Variants in PALM observed in about 807,000 individuals in gnomAD.
PALM encodes the protein paralemmin.
A neutral mutation model predicts 30.7 loss-of-function variants in PALM; 18 were observed. The ratio of observed to expected loss-of-function variants is 0.59; its 90% confidence interval spans 0.41 to 0.87. PALM has a LOEUF of 0.87. Ranked by LOEUF, PALM falls within the 40% of genes least tolerant of loss-of-function variation. PALM has a pLI of 0.00. For missense variants in PALM, 529 were observed against 555.4 expected (o/e 0.95, Z 0.48); for synonymous variants, 286 against 242.8 (o/e 1.18, Z -1.66).
chr19:718,649 C>T (rs942495962), intron 1 of PALM, among the ~76,000 whole-genome samples: 6 of 152,094 alleles, frequency 3.9e-5, no homozygotes, highest in African/African-American at 1.4e-4. Context: ...TCTGCCGTAA[C>T]CCGTTTAGGG....
rs3787022 is a variant in PALM at position 732,880 on chromosome 19, T to C, written c.421-1293T>C. On this transcript the variant is annotated intron_variant, in intron 5 of 8. Coordinates refer to ENST00000338448, the MANE Select transcript of PALM (RefSeq NM_002579.3). ...AGGGCTGGGCAGGCGACCTGGAGGA[T>C]GTGGGTTTCGTGGGAGGGCTGGGCA... is the stretch of plus-strand genomic sequence containing the variant. Among the ~76,000 whole-genome samples, 2,978 of 150,422 alleles carry C rather than the reference T, an allele frequency of 0.02. 243 individuals carry two copies. In the East Asian group the frequency reaches 0.28, roughly 14 times the overall value.
intron 3 of PALM, 108 bp downstream of exon 3, chr19:727,196 G>A: frequency 1.3e-6 from 1 of 751,060 alleles, no homozygotes; most frequent in Non-Finnish European, 2.2e-6. Context: ...ACCTGACCCT[G>A]ACCCTGCCTC....
At chr19:729,551 C>T (rs1284203044) in intron 4 of PALM, among the ~76,000 whole-genome samples, 10 of 148,826 alleles carry the variant, frequency 6.7e-5, no homozygotes, top group African/African-American at 2.2e-4. Context: ...CTGCAAGCTC[C>T]GCCTCCCGGG....
chr19:731,663 C>T (rs1471333158), intron 5 of PALM, among the ~76,000 whole-genome samples: 1 of 148,636 alleles, frequency 6.7e-6, no homozygotes, highest in Non-Finnish European at 1.5e-5. Flanking sequence ...TGGGTGTGGT[C>T]ATAGTGTTTT....
At chr19:726,965 G>GGCC in intron 2 of PALM, 43 bp from the exon 3 acceptor site, 4 of 1,037,618 alleles carry the variant, frequency 3.9e-6, no homozygotes, top group East Asian at 3.9e-5. Context: ...GGGTCTCCGG[G>GGCC]ACCCCCACGC....
At chr19:740,789 G>C (rs1599166496) in intron 8 of PALM, among the ~76,000 whole-genome samples, 2 of 152,134 alleles carry the variant, frequency 1.3e-5, no homozygotes, top group Non-Finnish European at 2.9e-5. Context: ...TTCTGTCCTT[G>C]CCGGGTGGCA....
chr19:721,588 A>T (rs965506922), intron 1 of PALM, among the ~76,000 whole-genome samples: 29 of 149,032 alleles, frequency 1.9e-4, no homozygotes, highest in South Asian at 2.1e-4. Context: ...TTTTAAAAAA[A>T]TTTTTTGTTT....
intron 4 of PALM, among the ~76,000 whole-genome samples, chr19:728,847 C>CA (rs935100033): frequency 6.6e-6 from 1 of 151,670 alleles, no homozygotes; most frequent in African/African-American, 2.4e-5. Flanking sequence ...ACTAAAAATA[C>CA]AAAAAAATTA....
Position 742,084 on chromosome 19 carries a change from G to A in PALM, c.634+1601G>A, listed in dbSNP as rs1035429158. On this transcript the variant is annotated intron_variant, in intron 8 of 8. Coordinates refer to ENST00000338448, the MANE Select transcript of PALM (RefSeq NM_002579.3). This position sits in a 1 kb window ranked among gnomAD's most constrained non-coding sequence, Gnocchi z 5.5. Reference sequence around the variant, plus strand: ...TAATGGGAGGCTCATCTGGGCCCGGGACATTGAGGCTGCAATGAGCTATGA... The same window carrying A: ...TAATGGGAGGCTCATCTGGGCCCGGAACATTGAGGCTGCAATGAGCTATGA... Among the ~76,000 whole-genome samples, 2 of 152,110 alleles carry A rather than the reference G, an allele frequency of 1.3e-5. No individual in the cohort carries two copies. The highest frequency in any genetic ancestry group is 4.8e-5 in the African/African-American group (2 of 41,424).
intron 5 of PALM, among the ~76,000 whole-genome samples, chr19:732,790 T>C (rs1223682264): frequency 5.3e-5 from 8 of 151,212 alleles, no homozygotes; most frequent in African/African-American, 1.9e-4. Flanking sequence ...GGGAGGGTGG[T>C]CAGGCCGAAG....
Position 709,909 on chromosome 19 carries a change from T to TG in PALM, c.5+759dup, listed in dbSNP as rs1180904146. ...ACCCCCGCATGGCTGCGCCTGTGTG[T>TG]GTGGGGGGGGGGTGGCCAGTGGAGG... On this transcript the variant is annotated intron_variant, in intron 1 of 8. Coordinates refer to ENST00000338448, the MANE Select transcript of PALM (RefSeq NM_002579.3). This position sits in a 1 kb window ranked among gnomAD's most constrained non-coding sequence, Gnocchi z 4.3. Among the ~76,000 whole-genome samples, 6 of 136,618 alleles carry TG rather than the reference T, an allele frequency of 4.4e-5. No individual in the cohort carries two copies. In the South Asian group the frequency reaches 9.0e-4, roughly 20 times the overall value. The allele number at this position is 136,618 out of a possible 152,430, so 89.6% of individuals were successfully genotyped here. A position where few individuals can be genotyped will look rare whatever the true frequency, so the allele number is the denominator to read the frequency against.
intron 1 of PALM, chr19:719,511 G>C: frequency 1.3e-5 from 13 of 985,420 alleles, no homozygotes; most frequent in Non-Finnish European, 1.6e-5. Context: ...GGCTCTGCGC[G>C]GCTGCCGGGA....
At chr19:714,003 C>A (rs1296553346) in intron 1 of PALM, among the ~76,000 whole-genome samples, 1 of 151,080 alleles carries the variant, frequency 6.6e-6, no homozygotes, top group Non-Finnish European at 1.5e-5. Flanking sequence ...CTCCTGGGTT[C>A]AAGCCATTCC....
At position 742,215 on chromosome 19, in the gene PALM, C is replaced by A. The variant is rs374854345; in HGVS notation, c.634+1732C>A. Among the ~76,000 whole-genome samples the A allele has an allele frequency of 6.6e-6, 1 of 152,072 alleles. No homozygotes were observed. The highest frequency in any genetic ancestry group is 1.5e-5 in the Non-Finnish European group (1 of 68,018). ...ATCAGCTGTCACTTCCTGTCCCCTC[C>A]CCAGTCAGCGTCACTCCCTATCCCC... On this transcript the variant is annotated intron_variant, in intron 8 of 8. Coordinates refer to ENST00000338448, the MANE Select transcript of PALM (RefSeq NM_002579.3). The surrounding 1 kb of genome is among the most constrained non-coding windows in gnomAD (Gnocchi z 5.5).
intron 1 of PALM, among the ~76,000 whole-genome samples, chr19:713,228 G>A (rs932025493): frequency 7.2e-5 from 11 of 152,062 alleles, no homozygotes; most frequent in African/African-American, 1.9e-4. Context: ...ATCCTGGTGT[G>A]TTTATTGAGA....
intron 7 of PALM, among the ~76,000 whole-genome samples, chr19:738,301 C>T (rs2033082306): frequency 1.3e-5 from 2 of 151,928 alleles, no homozygotes; most frequent in Admixed American, 1.3e-4. Context: ...CCGAGGGGGG[C>T]AGATCATGAG....
intron 4 of PALM, chr19:727,940 C>T: frequency 4.1e-6 from 2 of 482,332 alleles, no homozygotes; most frequent in Admixed American, 3.8e-5. Context: ...CAGGGAGATA[C>T]CCCTTTCCCT....
At chr19:726,958 T>TGTG in intron 2 of PALM, 50 bp from the exon 3 acceptor site, 1 of 1,044,084 alleles carries the variant, frequency 9.6e-7, no homozygotes, top group Middle Eastern at 3.2e-4. Context: ...GGTGGGGGGG[T>TGTG]CTCCGGGACC....
At chr19:720,064 AC>A (rs1025294146) in intron 1 of PALM, among the ~76,000 whole-genome samples, 2 of 145,956 alleles carry the variant, frequency 1.4e-5, no homozygotes, top group African/African-American at 5.1e-5. Context: ...CCAGACGGGG[AC>A]CCCCCTCCCC....
Sources: gnomAD v4.1 joint callset for allele counts (sites outside exome capture counted in the v4.1 genomes callset) on GRCh38, gnomAD v4.1.1 for gene constraint, Gnocchi (gnomAD v3.1) non-coding constraint, MANE v1.5 for transcripts, NCBI Gene and HGNC (gene_info 2026-07-23, HGNC 2026-07-21) for gene names.